The following TIPARP variants were observed in gnomAD, a reference collection of about 807,000 sequenced individuals.
The protein encoded by TIPARP is TCDD inducible poly(ADP-ribose) polymerase, also known as protein mono-ADP-ribosyltransferase TIPARP.
TIPARP carries 12 observed loss-of-function variants against 56.5 expected under a neutral mutation model. The ratio of observed to expected loss-of-function variants is 0.21; its 90% confidence interval spans 0.14 to 0.34. The LOEUF is 0.34. Ranked by LOEUF, TIPARP falls within the 10% of genes least tolerant of loss-of-function variation. The pLI, the probability that TIPARP is intolerant of heterozygous loss-of-function variation, is 1.00. For missense variants in TIPARP, 604 were observed against 781.6 expected, an observed-to-expected ratio of 0.77 and a Z score of 2.71; for synonymous variants, 296 against 265.7, an observed-to-expected ratio of 1.11 and a Z score of -1.11.
Position 156,705,964 on chromosome 3 carries a change from G to A in TIPARP, c.*833G>A, listed in dbSNP as rs1326839491. ...GGGTTAGAAGTATTACTTCCTTTTCGGGTTCCAGACCTAGCTTGTGACTGA... is the reference window on the plus strand; with the variant it reads ...GGGTTAGAAGTATTACTTCCTTTTCAGGTTCCAGACCTAGCTTGTGACTGA... On this transcript the variant is annotated 3_prime_UTR_variant, in exon 6 of 6. Coordinates refer to ENST00000295924, the MANE Select transcript of TIPARP (RefSeq NM_015508.5). 6.6e-6 allele frequency: 1 copy of A among 152,564 alleles called. No homozygotes were observed. The allele number at this position is 152,564 out of a possible 1,614,324, so 9.5% of individuals were successfully genotyped here.
At chr3:156,699,561 G>A (rs893330158) in intron 4 of TIPARP, among the ~76,000 whole-genome samples, 3 of 152,078 alleles carry the variant, frequency 2.0e-5, no homozygotes, top group Admixed American at 1.3e-4. Context: ...ATGCTATTAT[G>A]TACTGAATAG....
In TIPARP at chr3:156,705,119, T is replaced by C; in HGVS notation, c.1962T>C (p.Thr654=). 1 of 1,582,866 alleles carries C rather than the reference T, an allele frequency of 6.3e-7. No individual in the cohort carries two copies. Among genetic ancestry groups the C allele is most frequent in the Non-Finnish European group, 8.6e-7 (1 of 1,167,822 alleles). ...FVIQYEEVSN[T]VSI is the part of the protein sequence containing the mutation. ...TCCAATATGAAGAAGTCAGTAACAC[T>C]GTTTCCATTTGAAAAATCTTGGTAC... Residue 654 remains threonine (T), a synonymous_variant, in exon 6 of 6, where the codon ACT becomes ACC. Coordinates refer to ENST00000295924, the MANE Select transcript of TIPARP (RefSeq NM_015508.5).
chr3:156,682,525 G>T (rs1252719730), intron 2 of TIPARP, among the ~76,000 whole-genome samples: 1 of 152,186 alleles, frequency 6.6e-6, no homozygotes, highest in African/African-American at 2.4e-5. Context: ...ATATAAAAGA[G>T]AAATGTATAT....
intron 2 of TIPARP, among the ~76,000 whole-genome samples, chr3:156,679,826 A>G (rs1722245121): frequency 6.6e-6 from 1 of 152,192 alleles, no homozygotes; most frequent in African/African-American, 2.4e-5. Context: ...GTTGCAGTAA[A>G]CCATTTCCAA....
intron 4 of TIPARP, among the ~76,000 whole-genome samples, chr3:156,700,664 G>T (rs1255401516): frequency 6.6e-6 from 1 of 152,226 alleles, no homozygotes; most frequent in African/African-American, 2.4e-5. Flanking sequence ...TCAGCTGAAA[G>T]AACATTTATC....
At position 156,677,930 on chromosome 3, in the gene TIPARP, A is replaced by G. The variant is rs547183561; in HGVS notation, c.233A>G (p.Gln78Arg). The change falls in exon 2 of 6, where the codon CAG (glutamine) becomes CGG (arginine). Residue 78 changes from glutamine to arginine, a missense_variant. Physicochemically the swap from Gln to Arg is conservative, Grantham distance 43 (BLOSUM62 1). Around this residue, in one of 4 missense-constraint regions of TIPARP, gnomAD observed 261 missense variants for 279.2 expected, o/e 0.93. Transcript: ENST00000295924. The stretch of plus-strand genomic sequence containing the variant: ...GATGGGGTTTTTAGATCTAGGAACC[A>G]GAGTACAGATGAGAACAGCTTACAT... ...SLDGVFRSRN[Q>R]STDENSLHEP... The G allele has an allele frequency of 6.2e-6, 10 of 1,614,190 alleles. No individual in the cohort carries two copies. In the African/African-American group the frequency reaches 1.2e-4, roughly 19 times the overall value.
At chr3:156,679,837 G>A (rs1294939973) in intron 2 of TIPARP, among the ~76,000 whole-genome samples, 7 of 152,132 alleles carry the variant, frequency 4.6e-5, no homozygotes, top group African/African-American at 1.7e-4. Flanking sequence ...CCATTTCCAA[G>A]TTGTCTGATT....
intron 4 of TIPARP, among the ~76,000 whole-genome samples, chr3:156,698,222 C>T (rs1055446077): frequency 9.2e-5 from 14 of 152,138 alleles, no homozygotes; most frequent in African/African-American, 3.4e-4. Flanking sequence ...GCCCATCTCT[C>T]TTATAGAAGT....
intron 1 of TIPARP, among the ~76,000 whole-genome samples, chr3:156,677,238 G>A (rs1253353537): frequency 6.6e-6 from 1 of 152,146 alleles, no homozygotes; most frequent in Middle Eastern, 3.2e-3. Context: ...TCATGAGATA[G>A]GTGATACATA....
intron 2 of TIPARP, among the ~76,000 whole-genome samples, chr3:156,685,446 T>C (rs1722407532): frequency 6.6e-6 from 1 of 152,352 alleles, no homozygotes; most frequent in Admixed American, 6.5e-5. Context: ...CGAGTATGTG[T>C]ACCACAAAAA....
chr3:156,684,827 G>A lies in TIPARP; in HGVS notation c.917+6213G>A, dbSNP rs149392618. ...CTTTCTAGGGACTGAGAATTATACC[G>A]TATACAGACTCACCCCAATTTAAAA... is the stretch of plus-strand genomic sequence containing the variant. On this transcript the variant is annotated intron_variant, in intron 2 of 5. Transcript: ENST00000295924. 3.6e-3 allele frequency among the ~76,000 whole-genome samples: 555 copies of A among 152,222 alleles called. 3 individuals are homozygous for A. The highest frequency in any genetic ancestry group is 0.013 in the African/African-American group (536 of 41,534).
intron 4 of TIPARP, among the ~76,000 whole-genome samples, chr3:156,701,411 TA>T (rs529364161): frequency 5.1e-4 from 78 of 152,290 alleles, no homozygotes; most frequent in African/African-American, 1.8e-3. Context: ...CAGAGAATCT[TA>T]CCTTTTTCTT....
At chr3:156,701,927 G>C (rs1177485488) in intron 4 of TIPARP, among the ~76,000 whole-genome samples, 1 of 152,134 alleles carries the variant, frequency 6.6e-6, no homozygotes, top group Non-Finnish European at 1.5e-5. Context: ...ACAGTCACTT[G>C]TAGAAGGTGG....
chr3:156,678,348 G>C lies in TIPARP; in HGVS notation c.651G>C (p.Glu217Asp), dbSNP rs1279139901. 1 of 1,614,196 alleles carries C rather than the reference G, an allele frequency of 6.2e-7. No individual in the cohort carries two copies. The highest frequency in any genetic ancestry group is 1.1e-5 in the South Asian group (1 of 91,080). The change falls in exon 2 of 6, where the codon GAG (glutamate) becomes GAC (aspartate). Residue 217 changes from glutamate (E) to aspartate (D), a missense_variant. By Grantham distance (45) the Glu-to-Asp change is conservative (BLOSUM62 2). This residue lies in a region of TIPARP where 261 missense variants were observed against 279.2 expected (regional missense o/e 0.93). Transcript: ENST00000295924. ...AGCTCTTTCAGGACAAAAGTGAAGA[G>C]GCTTCCCTTGACCTCGTGTTTGAGC... ...STELFQDKSE[E>D]ASLDLVFELV...
chr3:156,686,256 C>T (rs1002841637), intron 2 of TIPARP, among the ~76,000 whole-genome samples: 4 of 152,104 alleles, frequency 2.6e-5, no homozygotes, highest in South Asian at 2.1e-4. Context: ...GAAATAATTT[C>T]GACTCTCTTA....
At chr3:156,680,972 C>A (rs1722287163) in intron 2 of TIPARP, among the ~76,000 whole-genome samples, 1 of 152,196 alleles carries the variant, frequency 6.6e-6, no homozygotes, top group Admixed American at 6.5e-5. Context: ...TGTTAAATTA[C>A]TAGTAAAGTG....
intron 4 of TIPARP, among the ~76,000 whole-genome samples, chr3:156,697,158 GAA>G (rs1722734365): frequency 6.6e-6 from 1 of 152,140 alleles, no homozygotes; most frequent in Non-Finnish European, 1.5e-5. Flanking sequence ...TAAAAAATTA[GAA>G]CTAGTAAAAA....
At chr3:156,689,112 A>G (rs905567803) in intron 2 of TIPARP, among the ~76,000 whole-genome samples, 1 of 152,192 alleles carries the variant, frequency 6.6e-6, no homozygotes, top group Non-Finnish European at 1.5e-5. Flanking sequence ...TGTACAGAGT[A>G]GGATTCAGAA....
chr3:156,693,419 C>T (rs1722628173), intron 2 of TIPARP, among the ~76,000 whole-genome samples: 1 of 152,114 alleles, frequency 6.6e-6, no homozygotes, highest in Admixed American at 6.6e-5. Context: ...AAAGCTAAAC[C>T]TCATAATAAT....
Sources: allele counts gnomAD v4.1 joint callset (sites outside exome capture counted in the v4.1 genomes callset), GRCh38; gene constraint gnomAD v4.1.1; regional missense constraint gnomAD v4.1.1; transcripts MANE v1.5; gene names NCBI Gene and HGNC (gene_info 2026-07-23, HGNC 2026-07-21).